Variants in MCC observed in about 807,000 individuals in gnomAD.
MCC encodes the protein MCC regulator of Wnt signaling pathway, also known as colorectal mutant cancer protein.
Under a neutral mutation model 116.2 loss-of-function variants are expected in MCC, and 90 were observed. The observed-to-expected ratio is 0.77, with a 90% CI of 0.65 to 0.92. MCC has a LOEUF of 0.92. MCC is among the 40% of genes least tolerant of loss of function. The pLI is 0.00. For missense variants in MCC, 1,516 were observed against 1,312.2 expected, an observed-to-expected ratio of 1.16 and a Z score of -2.40; for synonymous variants, 578 against 510.5, an observed-to-expected ratio of 1.13 and a Z score of -1.78.
intron 1 of MCC, 121 bp from the exon 2 acceptor site, chr5:113,385,333 T>C: frequency 2.0e-6 from 2 of 997,158 alleles, no homozygotes; most frequent in Non-Finnish European, 1.5e-6. Context: ...TATTTTCAAC[T>C]TTCTCATTGT....
At chr5:113,301,629 G>A (rs1298465879) in intron 3 of MCC, among the ~76,000 whole-genome samples, 1 of 152,128 alleles carries the variant, frequency 6.6e-6, no homozygotes, top group Non-Finnish European at 1.5e-5. Flanking sequence ...GGTCAGACAA[G>A]GCCTCTATGC....
intron 15 of MCC, among the ~76,000 whole-genome samples, chr5:113,053,062 A>G (rs932184033): frequency 6.6e-5 from 10 of 152,226 alleles, no homozygotes; most frequent in African/African-American, 2.4e-4. Context: ...CACCAGAAAC[A>G]GGCAAAGTGA....
chr5:113,261,279 T>C (rs557207830), intron 3 of MCC, among the ~76,000 whole-genome samples: 1 of 152,336 alleles, frequency 6.6e-6, no homozygotes, highest in South Asian at 2.1e-4. Context: ...ATTTACTGAA[T>C]ACTGTATTAG....
chr5:113,185,007 A>G (rs1295698090), intron 3 of MCC, among the ~76,000 whole-genome samples: 1 of 152,210 alleles, frequency 6.6e-6, no homozygotes, highest in African/African-American at 2.4e-5. Flanking sequence ...GGGTCAAGAG[A>G]GAAAAGGCTG....
chr5:113,333,837 A>ACATATATGTACATATGTACC, intron 3 of MCC, among the ~76,000 whole-genome samples: 1 of 58,958 alleles, frequency 1.7e-5, no homozygotes, highest in Non-Finnish European at 2.9e-5. Context: ...GTATATATGT[A>ACATATATGTACATATGTACC]TATATGTATA....
At chr5:113,208,059 G>C (rs1298784427) in intron 3 of MCC, among the ~76,000 whole-genome samples, 2 of 152,054 alleles carry the variant, frequency 1.3e-5, no homozygotes, top group Admixed American at 6.6e-5. Context: ...TTTCCACTTT[G>C]TATGATGATT....
chr5:113,212,396 T>C (rs1443432320), intron 3 of MCC, among the ~76,000 whole-genome samples: 1 of 151,946 alleles, frequency 6.6e-6, no homozygotes, highest in Non-Finnish European at 1.5e-5. Flanking sequence ...CTGGCTCCAC[T>C]CCAGGAGAGG....
chr5:113,302,103 C>T (rs1223360045), intron 3 of MCC, among the ~76,000 whole-genome samples: 1 of 152,162 alleles, frequency 6.6e-6, no homozygotes, highest in Non-Finnish European at 1.5e-5. Flanking sequence ...TTTTGCAACC[C>T]TTAATGAATT....
At chr5:113,216,526 T>TTACAGACA (rs1763322655) in intron 3 of MCC, among the ~76,000 whole-genome samples, 2 of 152,210 alleles carry the variant, frequency 1.3e-5, no homozygotes, top group South Asian at 4.1e-4. Context: ...GGCCCATGTC[T>TTACAGACA]TACAGACATA....
chr5:113,083,520 T>G (rs771082689), intron 10 of MCC, among the ~76,000 whole-genome samples: 9 of 152,212 alleles, frequency 5.9e-5, no homozygotes, highest in South Asian at 2.1e-4. Flanking sequence ...GAGGATCAAA[T>G]AGCTGGCTCT....
chr5:113,246,014 C>T (rs1363493195), intron 3 of MCC, among the ~76,000 whole-genome samples: 2 of 152,026 alleles, frequency 1.3e-5, no homozygotes, highest in African/African-American at 2.4e-5. Context: ...AGATAAGGTC[C>T]CTGCCAAAAA....
At chr5:113,083,101 G>T in intron 10 of MCC, 93 bp from the exon 11 acceptor site, 2 of 1,260,204 alleles carry the variant, frequency 1.6e-6, no homozygotes, top group Non-Finnish European at 1.1e-6. Flanking sequence ...TATTCCGTGA[G>T]AATCGGGGAC....
At chr5:113,069,385 G>A (rs543329506) in intron 12 of MCC, among the ~76,000 whole-genome samples, 5 of 152,218 alleles carry the variant, frequency 3.3e-5, no homozygotes, top group Admixed American at 6.5e-5. Flanking sequence ...TTCCTGTAGC[G>A]TGAGACCCAC....
chr5:113,389,813 C>A (rs111736181), intron 1 of MCC, among the ~76,000 whole-genome samples: 203 of 152,240 alleles, frequency 1.3e-3, no homozygotes, highest in Non-Finnish European at 2.5e-3. Flanking sequence ...AATGATCTTT[C>A]TTTTAAAGAG....
chr5:113,335,657 CA>C (rs996951359), intron 3 of MCC, among the ~76,000 whole-genome samples: 1 of 151,576 alleles, frequency 6.6e-6, no homozygotes. Flanking sequence ...CCCTCTTTAC[CA>C]GACTCTTAAA....
At chr5:113,108,592 G>T (rs1008315796) in intron 6 of MCC, among the ~76,000 whole-genome samples, 1 of 150,232 alleles carries the variant, frequency 6.7e-6, no homozygotes, top group Non-Finnish European at 1.5e-5. Flanking sequence ...GGTGGAGGTT[G>T]CAGGGAGCTG....
In MCC at chr5:113,053,651, T is replaced by C. The variant is rs186222266; in HGVS notation, c.2448+74A>G. The C allele has an allele frequency of 8.6e-4, 919 of 1,068,614 alleles. 2 individuals carry two copies. Among genetic ancestry groups the C allele is most frequent in the Middle Eastern group, 2.2e-3 (11 of 4,902 alleles). 66.2% of individuals were successfully genotyped at this position (1,068,614 alleles called of 1,614,324 possible). ...GAGGGGTTGATTCCTCCTTATCTGC[T>C]GGACCTGCTTTCAGAGGTTGTTTAG... On this transcript the variant is annotated intron_variant, in intron 15 of 18. Transcript: ENST00000408903.
intron 3 of MCC, among the ~76,000 whole-genome samples, chr5:113,216,968 C>G (rs1763344624): frequency 6.6e-6 from 1 of 152,176 alleles, no homozygotes; most frequent in Non-Finnish European, 1.5e-5. Context: ...AATTTTGGTG[C>G]TCAATAAGTA....
intron 2 of MCC, among the ~76,000 whole-genome samples, chr5:113,376,348 T>A (rs1768978674): frequency 6.6e-6 from 1 of 152,206 alleles, no homozygotes; most frequent in Non-Finnish European, 1.5e-5. Flanking sequence ...ATGCCCTGTG[T>A]CAGTCTCTGT....
Sources: gnomAD v4.1 joint callset for allele counts (sites outside exome capture counted in the v4.1 genomes callset) on GRCh38, gnomAD v4.1.1 for gene constraint, MANE v1.5 for transcripts, NCBI Gene and HGNC (gene_info 2026-07-23, HGNC 2026-07-21) for gene names.